MYO3A: variants seen among roughly 807,000 people sequenced by gnomAD.
MYO3A encodes myosin IIIA.
In MYO3A, 180 loss-of-function variants were observed where a neutral mutation model predicts 192.7. The observed-to-expected ratio is 0.93, with a 90% CI of 0.83 to 1.06. The LOEUF (loss-of-function observed/expected upper bound fraction) is 1.06, where lower values mean the gene tolerates loss of function less well. Ranked by LOEUF, MYO3A falls within the 50% of genes least tolerant of loss-of-function variation. The pLI is 0.00. For synonymous variants in MYO3A, 628 were observed against 645.3 expected (o/e 0.97, Z 0.41); for missense variants, 1,896 against 1,905.0 (o/e 1.00, Z 0.09).
At chr10:26,036,269 G>A (rs963780981) in intron 10 of MYO3A, among the ~76,000 whole-genome samples, 5 of 127,428 alleles carry the variant, frequency 3.9e-5, no homozygotes, top group Non-Finnish European at 9.1e-5. Flanking sequence ...TTAAATTAAG[G>A]ATACAGAGTG....
chr10:26,082,358 C>T (rs1836011900), intron 14 of MYO3A, among the ~76,000 whole-genome samples: 1 of 151,884 alleles, frequency 6.6e-6, no homozygotes. Context: ...AATGGGATTG[C>T]TTTCTTGATT....
At chr10:25,964,112 C>T (rs1412448094) in intron 4 of MYO3A, among the ~76,000 whole-genome samples, 2 of 151,726 alleles carry the variant, frequency 1.3e-5, no homozygotes, top group Admixed American at 1.3e-4. Flanking sequence ...TATAGTGTTC[C>T]CCCTAGATTT....
At chr10:26,066,678 C>T (rs1197643435) in intron 10 of MYO3A, among the ~76,000 whole-genome samples, 1 of 152,184 alleles carries the variant, frequency 6.6e-6, no homozygotes, top group Non-Finnish European at 1.5e-5. Context: ...CACCTTGTAA[C>T]AGATTCAATC....
At chr10:26,061,059 G>T (rs1391466807) in intron 10 of MYO3A, among the ~76,000 whole-genome samples, 1 of 151,968 alleles carries the variant, frequency 6.6e-6, no homozygotes, top group East Asian at 1.9e-4. Context: ...CTCCTGAGTA[G>T]CTGGGACTAC....
chr10:26,071,447 A>G (rs1835201232), intron 14 of MYO3A, among the ~76,000 whole-genome samples: 1 of 152,228 alleles, frequency 6.6e-6, no homozygotes, highest in South Asian at 2.1e-4. Flanking sequence ...AAGAAAACGT[A>G]GGAAAAGTTC....
chr10:26,084,928 T>G (rs1836214370), intron 14 of MYO3A, among the ~76,000 whole-genome samples: 1 of 152,190 alleles, frequency 6.6e-6, no homozygotes, highest in South Asian at 2.1e-4. Context: ...TTTGATTACT[T>G]CTTCAATTTC....
At chr10:26,003,913 CCAATG>C (rs1425599523) in intron 6 of MYO3A, among the ~76,000 whole-genome samples, 3 of 152,004 alleles carry the variant, frequency 2.0e-5, no homozygotes, top group Non-Finnish European at 4.4e-5. Context: ...GACCAAATCC[CCAATG>C]CATAATGTAG....
chr10:26,119,407 A>G (rs760757660), intron 17 of MYO3A, among the ~76,000 whole-genome samples: 3 of 152,242 alleles, frequency 2.0e-5, no homozygotes, highest in African/African-American at 7.2e-5. Flanking sequence ...AGTGCCTGGC[A>G]TAAAATATGT....
At chr10:26,044,614 C>T (rs1164799212) in intron 10 of MYO3A, among the ~76,000 whole-genome samples, 1 of 152,184 alleles carries the variant, frequency 6.6e-6, no homozygotes, top group Non-Finnish European at 1.5e-5. Context: ...CTGTATATAA[C>T]TAATGCTAGG....
chr10:26,184,100 A>G (rs539127228), intron 31 of MYO3A, among the ~76,000 whole-genome samples: 2 of 152,330 alleles, frequency 1.3e-5, no homozygotes, highest in African/African-American at 4.8e-5. Context: ...TGCTAAAGGA[A>G]GGAGGCCATG....
chr10:26,042,872 G>T (rs1257387213), intron 10 of MYO3A, among the ~76,000 whole-genome samples: 2 of 152,156 alleles, frequency 1.3e-5, no homozygotes, highest in East Asian at 3.9e-4. Flanking sequence ...GATGCTTGTG[G>T]ACATTCATCT....
chr10:26,055,779 G>A lies in MYO3A; in HGVS notation c.954-11196G>A, dbSNP rs115642261. On this transcript the variant is annotated intron_variant, in intron 10 of 34. Coordinates refer to ENST00000642920, the MANE Select transcript of MYO3A (RefSeq NM_017433.5). ...GGGAGTAGAGAAGGAGGAGACTGAGGCACTTGTGAAGATCACAGTTGAAAG... is the reference window on the plus strand; with the variant it reads ...GGGAGTAGAGAAGGAGGAGACTGAGACACTTGTGAAGATCACAGTTGAAAG... Among the ~76,000 whole-genome samples the A allele has an allele frequency of 1.7e-3, 253 of 152,318 alleles. 1 individual carries two copies. Among genetic ancestry groups the A allele is most frequent in the African/African-American group, 5.8e-3 (241 of 41,580 alleles).
At chr10:26,113,054 G>A (rs988632755) in intron 17 of MYO3A, among the ~76,000 whole-genome samples, 3 of 152,062 alleles carry the variant, frequency 2.0e-5, no homozygotes, top group Non-Finnish European at 4.4e-5. Context: ...ATGCTAGCAT[G>A]TTTTCTTTGG....
At chr10:26,153,952 G>A (rs1840950446) in intron 24 of MYO3A, 23 bp downstream of exon 24, 4 of 1,494,932 alleles carry the variant, frequency 2.7e-6, no homozygotes, top group Non-Finnish European at 3.7e-6. Flanking sequence ...TTTTTTTCTT[G>A]GCAGTGAGTC....
intron 10 of MYO3A, among the ~76,000 whole-genome samples, chr10:26,051,617 T>C (rs146720779): frequency 0.015 from 2,251 of 148,392 alleles, 68 homozygotes; most frequent in African/African-American, 0.052. Flanking sequence ...ATATATTAAA[T>C]ATAAATATAT....
intron 4 of MYO3A, among the ~76,000 whole-genome samples, chr10:25,978,477 A>C (rs1055404546): frequency 3.3e-5 from 5 of 152,198 alleles, no homozygotes; most frequent in African/African-American, 1.2e-4. Context: ...CTTCTTCATT[A>C]TCAGGAGAAC....
chr10:26,060,236 G>A (rs1834371811), intron 10 of MYO3A, among the ~76,000 whole-genome samples: 1 of 151,920 alleles, frequency 6.6e-6, no homozygotes, highest in South Asian at 2.1e-4. Flanking sequence ...TACAGCCTGG[G>A]CAACAGGAGC....
In MYO3A at chr10:26,176,739, A is replaced by G. The variant is rs1197389632; in HGVS notation, c.4332A>G (p.Lys1444=). The G allele has an allele frequency of 1.2e-6, 2 of 1,611,586 alleles. No homozygotes were observed. The highest frequency in any genetic ancestry group is 1.7e-6 in the Non-Finnish European group (2 of 1,177,660). Residue 1444 remains lysine, a synonymous_variant, in exon 31 of 35, where the codon AAA becomes AAG. Transcript: ENST00000642920. ...CTGAAGAATATTTCATTCTGCAGAA[A>G]AAATTGAATGAAATGATTTTGTCAC... ...KLSEEYFILQ[K]KLNEMILSQQ... is the part of the protein sequence containing the mutation.
intron 15 of MYO3A, among the ~76,000 whole-genome samples, chr10:26,091,057 T>G (rs1836671246): frequency 6.6e-6 from 1 of 152,196 alleles, no homozygotes; most frequent in African/African-American, 2.4e-5. Context: ...TGCTTCCTAT[T>G]GGCTGAACCC....
Sources: allele counts gnomAD v4.1 joint callset (sites outside exome capture counted in the v4.1 genomes callset), GRCh38; gene constraint gnomAD v4.1.1; transcripts MANE v1.5; gene names NCBI Gene and HGNC (gene_info 2026-07-23, HGNC 2026-07-21).